The following PKP4 variants were observed in gnomAD, a reference collection of about 807,000 sequenced individuals.
The protein encoded by PKP4 is plakophilin-4.
PKP4 carries 90 observed loss-of-function variants against 145.1 expected under a neutral mutation model. That is an observed-to-expected ratio of 0.62 (90% CI 0.52 to 0.74). The LOEUF (loss-of-function observed/expected upper bound fraction) is 0.74, where lower values mean the gene tolerates loss of function less well. PKP4 is among the 30% of genes least tolerant of loss of function. PKP4 has a pLI of 0.00. For missense variants in PKP4, 1,340 were observed against 1,482.7 expected (o/e 0.90, Z 1.58); for synonymous variants, 563 against 577.2 (o/e 0.98, Z 0.35).
At chr2:158,654,373 G>A (rs1249833478) in intron 11 of PKP4, among the ~76,000 whole-genome samples, 2 of 152,096 alleles carry the variant, frequency 1.3e-5, no homozygotes, top group African/African-American at 4.8e-5. Context: ...AGAAATGAAA[G>A]CCTGAATTTC....
intron 11 of PKP4, among the ~76,000 whole-genome samples, chr2:158,656,041 G>A (rs1212327193): frequency 6.6e-6 from 1 of 152,160 alleles, no homozygotes; most frequent in East Asian, 1.9e-4. Flanking sequence ...CCTTTCTGTG[G>A]TCGTCAGGCT....
At chr2:158,486,163 T>C (rs1006414815) in intron 1 of PKP4, among the ~76,000 whole-genome samples, 12 of 152,212 alleles carry the variant, frequency 7.9e-5, no homozygotes, top group African/African-American at 2.9e-4. Context: ...TTTTAAATTC[T>C]TACTTTTATG....
chr2:158,581,576 A>G (rs2048334063), intron 3 of PKP4, among the ~76,000 whole-genome samples: 1 of 152,218 alleles, frequency 6.6e-6, no homozygotes, highest in South Asian at 2.1e-4. Flanking sequence ...CTGTTTAATG[A>G]CGCTTATGCT....
At chr2:158,530,329 T>C (rs942214277) in intron 1 of PKP4, among the ~76,000 whole-genome samples, 1 of 152,010 alleles carries the variant, frequency 6.6e-6, no homozygotes, top group Admixed American at 6.6e-5. Flanking sequence ...CTCCTTCCAG[T>C]TTTCTGGCAT....
chr2:158,606,492 C>G (rs1159291041), intron 4 of PKP4, among the ~76,000 whole-genome samples: 1 of 152,118 alleles, frequency 6.6e-6, no homozygotes, highest in Non-Finnish European at 1.5e-5. Context: ...TTCTTCTTTA[C>G]TTTGTAAATA....
At chr2:158,509,957 A>AG (rs956771313) in intron 1 of PKP4, among the ~76,000 whole-genome samples, 11 of 151,940 alleles carry the variant, frequency 7.2e-5, no homozygotes, top group African/African-American at 2.4e-4. Context: ...CAAAAAAAAA[A>AG]AAAAAGAAAT....
chr2:158,498,456 T>A (rs1696073797), intron 1 of PKP4, among the ~76,000 whole-genome samples: 1 of 152,256 alleles, frequency 6.6e-6, no homozygotes, highest in South Asian at 2.1e-4. Flanking sequence ...GCTTTAAAAA[T>A]GTTAACATTT....
chr2:158,495,510 T>G (rs1289015235), intron 1 of PKP4, among the ~76,000 whole-genome samples: 1 of 152,094 alleles, frequency 6.6e-6, no homozygotes, highest in Non-Finnish European at 1.5e-5. Flanking sequence ...ACAATGAATT[T>G]TTTTGTAGCC....
intron 2 of PKP4, among the ~76,000 whole-genome samples, chr2:158,546,567 A>G (rs1222517177): frequency 6.6e-6 from 1 of 152,226 alleles, no homozygotes; most frequent in Non-Finnish European, 1.5e-5. Flanking sequence ...GAGCCAAAAA[A>G]TGTAGCAGTA....
intron 1 of PKP4, among the ~76,000 whole-genome samples, chr2:158,465,982 CAAAATATTATTTAG>C (rs1690546625): frequency 2.6e-5 from 4 of 152,256 alleles, no homozygotes; most frequent in Admixed American, 2.6e-4. Flanking sequence ...GTCAGTCTTC[CAAAATATTATTTAG>C]AACTGTGAAT....
At chr2:158,470,749 C>G in intron 1 of PKP4, among the ~76,000 whole-genome samples, 1 of 152,144 alleles carries the variant, frequency 6.6e-6, no homozygotes, top group Non-Finnish European at 1.5e-5. Flanking sequence ...CAAGAGAATA[C>G]AGAACCCCAC....
At chr2:158,552,608 A>T (rs754628683) in intron 2 of PKP4, among the ~76,000 whole-genome samples, 1 of 152,194 alleles carries the variant, frequency 6.6e-6, no homozygotes, top group Non-Finnish European at 1.5e-5. Flanking sequence ...GTAATTGGAA[A>T]CTAGAGGAAA....
chr2:158,549,419 GT>G (rs2045392201), intron 2 of PKP4, among the ~76,000 whole-genome samples: 1 of 152,034 alleles, frequency 6.6e-6, no homozygotes, highest in African/African-American at 2.4e-5. Context: ...ATTTTTCAGA[GT>G]TTTTGGGAAA....
chr2:158,579,497 G>A (rs1462333586), intron 3 of PKP4, among the ~76,000 whole-genome samples: 1 of 151,546 alleles, frequency 6.6e-6, no homozygotes, highest in African/African-American at 2.4e-5. Flanking sequence ...TTGACCATGA[G>A]TGAGAGAATC....
At chr2:158,502,937 CTATT>C (rs969619744) in intron 1 of PKP4, among the ~76,000 whole-genome samples, 2 of 152,182 alleles carry the variant, frequency 1.3e-5, no homozygotes, top group African/African-American at 2.4e-5. Flanking sequence ...CTGTGGTCGT[CTATT>C]TATATATTAA....
At position 158,643,816 on chromosome 2, in the gene PKP4, G is replaced by T. The variant is rs568048571; in HGVS notation, c.1909+1117G>T. On this transcript the variant is annotated intron_variant, in intron 11 of 21. Transcript: ENST00000389759. ...AGTCTTGCTCTGTCACCCAGGCTGGGATGCAATGGCATGATCTGAGCTCAC... is the reference window on the plus strand; with the variant it reads ...AGTCTTGCTCTGTCACCCAGGCTGGTATGCAATGGCATGATCTGAGCTCAC... Among the ~76,000 whole-genome samples, 4 of 152,190 alleles carry T rather than the reference G, an allele frequency of 2.6e-5. No individual in the cohort carries two copies. The South Asian group carries it at 8.3e-4, about 32-fold the overall frequency.
intron 20 of PKP4, among the ~76,000 whole-genome samples, chr2:158,677,743 A>T (rs1023177827): frequency 6.6e-6 from 1 of 152,242 alleles, no homozygotes; most frequent in African/African-American, 2.4e-5. Flanking sequence ...AGAAAATTGC[A>T]GATGCTACAT....
At chr2:158,533,483 G>A (rs2043761326) in intron 2 of PKP4, 167 bp downstream of exon 2, 4 of 767,652 alleles carry the variant, frequency 5.2e-6, no homozygotes, top group Admixed American at 2.0e-5. Flanking sequence ...ATGTAGAGCC[G>A]CTCCAGGTGC....
chr2:158,580,435 A>T (rs1050489653), intron 3 of PKP4, among the ~76,000 whole-genome samples: 1 of 152,188 alleles, frequency 6.6e-6, no homozygotes. Context: ...ATATGGCCCC[A>T]CAAACAGTTG....
Sources: allele counts gnomAD v4.1 joint callset (sites outside exome capture counted in the v4.1 genomes callset), GRCh38; gene constraint gnomAD v4.1.1; transcripts MANE v1.5; gene names NCBI Gene and HGNC (gene_info 2026-07-23, HGNC 2026-07-21).